The following FGF12 variants were observed in gnomAD, a reference collection of about 807,000 sequenced individuals.
FGF12 encodes fibroblast growth factor 12B.
In FGF12, 14 loss-of-function variants were observed where a neutral mutation model predicts 23.6. The ratio of observed to expected loss-of-function variants is 0.59; its 90% CI spans 0.39 to 0.93. The LOEUF is 0.93. FGF12 is among the 40% of genes least tolerant of loss of function. FGF12 has a pLI of 0.00. For missense variants in FGF12, 175 were observed against 217.8 expected, an observed-to-expected ratio of 0.80 and a Z score of 1.24; for synonymous variants, 62 against 77.3, an observed-to-expected ratio of 0.80 and a Z score of 1.04.
intron 2 of FGF12, among the ~76,000 whole-genome samples, chr3:192,635,729 G>T (rs112191116): frequency 0.015 from 2,358 of 152,204 alleles, 40 homozygotes; most frequent in Middle Eastern, 0.041. Context: ...CGTGTGGGGA[G>T]GGAGTTTATT....
chr3:192,221,394 C>T (rs924290883), intron 4 of FGF12, among the ~76,000 whole-genome samples: 4 of 152,074 alleles, frequency 2.6e-5, no homozygotes, highest in African/African-American at 4.8e-5. Flanking sequence ...GCTATGCATA[C>T]GTAGTACTAA....
intron 2 of FGF12, among the ~76,000 whole-genome samples, chr3:192,422,685 A>G (rs867725264): frequency 6.6e-6 from 1 of 152,168 alleles, no homozygotes; most frequent in Admixed American, 6.5e-5. Context: ...ACCCTATTAA[A>G]TGGGTATTAT....
chr3:192,383,437 T>C (rs1719910902), intron 2 of FGF12, among the ~76,000 whole-genome samples: 2 of 151,816 alleles, frequency 1.3e-5, no homozygotes, highest in African/African-American at 4.8e-5. Flanking sequence ...ATAAAACAAG[T>C]TATTCTCATA....
chr3:192,592,727 C>G (rs1713679943), intron 2 of FGF12, among the ~76,000 whole-genome samples: 2 of 151,852 alleles, frequency 1.3e-5, no homozygotes, highest in Non-Finnish European at 2.9e-5. Flanking sequence ...CTCCAAGGGT[C>G]TCCATCTTCT....
chr3:192,639,677 T>C (rs1412290644), intron 2 of FGF12, among the ~76,000 whole-genome samples: 1 of 152,242 alleles, frequency 6.6e-6, no homozygotes, highest in East Asian at 1.9e-4. Context: ...GCATCTGTAC[T>C]GAACATGTAC....
chr3:192,684,492 G>C (rs1717662350), intron 2 of FGF12, among the ~76,000 whole-genome samples: 1 of 151,952 alleles, frequency 6.6e-6, no homozygotes, highest in South Asian at 2.1e-4. Flanking sequence ...GGCCATTTTA[G>C]GAAGTTCATC....
At chr3:192,446,649 G>A (rs1722363760) in intron 2 of FGF12, among the ~76,000 whole-genome samples, 1 of 152,154 alleles carries the variant, frequency 6.6e-6, no homozygotes, top group Non-Finnish European at 1.5e-5. Context: ...TCTTTCCAGT[G>A]AGGTCAGCAT....
chr3:192,233,886 T>A (rs1452463617), intron 4 of FGF12, among the ~76,000 whole-genome samples: 3 of 152,104 alleles, frequency 2.0e-5, no homozygotes, highest in Admixed American at 1.3e-4. Context: ...GGTTATCTAA[T>A]ATTGGTCTAT....
intron 2 of FGF12, among the ~76,000 whole-genome samples, chr3:192,626,861 G>A (rs1170186563): frequency 6.6e-6 from 1 of 152,134 alleles, no homozygotes. Flanking sequence ...TCTCACCTCA[G>A]CCTCCCTAAG....
chr3:192,298,713 C>CAGTG (rs1715177873), intron 4 of FGF12, among the ~76,000 whole-genome samples: 1 of 152,096 alleles, frequency 6.6e-6, no homozygotes, highest in Admixed American at 6.5e-5. Context: ...CACTGCACTC[C>CAGTG]AGCCTGGGTG....
intron 2 of FGF12, among the ~76,000 whole-genome samples, chr3:192,581,336 C>G (rs951957616): frequency 6.6e-6 from 1 of 151,600 alleles, no homozygotes; most frequent in Non-Finnish European, 1.5e-5. Flanking sequence ...GAGGCTGAGG[C>G]AGGAGGATGT....
At chr3:192,178,292 C>T (rs1715969050) in intron 4 of FGF12, among the ~76,000 whole-genome samples, 1 of 151,940 alleles carries the variant, frequency 6.6e-6, no homozygotes, top group African/African-American at 2.4e-5. Flanking sequence ...ATAGAGCTTT[C>T]CTACCAAAGA....
intron 2 of FGF12, among the ~76,000 whole-genome samples, chr3:192,504,061 C>T (rs574745046): frequency 4.6e-5 from 7 of 151,902 alleles, no homozygotes; most frequent in Non-Finnish European, 8.8e-5. Context: ...ATCTAGAGGC[C>T]GTTATCCTAA....
chr3:192,324,851 G>A, intron 4 of FGF12, among the ~76,000 whole-genome samples: 1 of 152,136 alleles, frequency 6.6e-6, no homozygotes, highest in East Asian at 1.9e-4. Context: ...CCTCATTAGT[G>A]CTGCTCTCAA....
chr3:192,495,799 G>C (rs1723937970), intron 2 of FGF12, among the ~76,000 whole-genome samples: 1 of 151,992 alleles, frequency 6.6e-6, no homozygotes, highest in African/African-American at 2.4e-5. Flanking sequence ...CGAGTAGTTG[G>C]GACCATAAGC....
At chr3:192,324,620 A>G (rs913114202) in intron 4 of FGF12, among the ~76,000 whole-genome samples, 5 of 152,218 alleles carry the variant, frequency 3.3e-5, no homozygotes, top group Non-Finnish European at 1.5e-5. Flanking sequence ...CAATTTTTTC[A>G]CAAAGGAAGT....
intron 2 of FGF12, among the ~76,000 whole-genome samples, chr3:192,578,893 T>C (rs1713020957): frequency 6.6e-6 from 1 of 152,206 alleles, no homozygotes; most frequent in Non-Finnish European, 1.5e-5. Flanking sequence ...TTTCACCACA[T>C]AGACACACAC....
intron 2 of FGF12, among the ~76,000 whole-genome samples, chr3:192,521,670 C>T (rs2108846174): frequency 6.6e-6 from 1 of 152,216 alleles, no homozygotes; most frequent in Non-Finnish European, 1.5e-5. Flanking sequence ...CCATAGAAGC[C>T]ACAGCGATCT....
chr3:192,167,755 AT>A lies in FGF12; in HGVS notation c.427+2702del, dbSNP rs1560175622. ...GGTATATATATATATATATATATAT[AT>A]ATATATATATATAAAATTTTTTTTT... On this transcript the variant is annotated intron_variant, in intron 5 of 5. Transcript: ENST00000445105. Among the ~76,000 whole-genome samples the A allele has an allele frequency of 8.2e-3, 235 of 28,774 alleles. 19 individuals are homozygous for A. The highest frequency in any genetic ancestry group is 0.027 in the African/African-American group (168 of 6,332). 18.9% of individuals were successfully genotyped at this position (28,774 alleles called of 152,430 possible).
Sources: gnomAD v4.1 joint callset for allele counts (sites outside exome capture counted in the v4.1 genomes callset) on GRCh38, gnomAD v4.1.1 for gene constraint, MANE v1.5 for transcripts, NCBI Gene and HGNC (gene_info 2026-07-23, HGNC 2026-07-21) for gene names.